Variants in PSIP1 observed in about 807,000 individuals in gnomAD.
The protein encoded by PSIP1 is PC4 and SRSF1 interacting protein 1.
Under a neutral mutation model 74.7 loss-of-function variants are expected in PSIP1, and 19 were observed. That is an observed-to-expected ratio of 0.25 (90% CI 0.18 to 0.37). The LOEUF is 0.37. Ranked by LOEUF, PSIP1 falls within the 10% of genes least tolerant of loss-of-function variation. The pLI is 1.00. For missense variants in PSIP1, 601 were observed against 614.3 expected (o/e 0.98, Z 0.23); for synonymous variants, 222 against 195.3 (o/e 1.14, Z -1.14).
At chr9:15,503,051 A>C (rs2132221908) in intron 3 of PSIP1, among the ~76,000 whole-genome samples, 1 of 152,332 alleles carries the variant, frequency 6.6e-6, no homozygotes, top group African/African-American at 2.4e-5. Flanking sequence ...CTACTAAACT[A>C]TTTATGCAAA....
chr9:15,498,191 G>A (rs1282416777), intron 3 of PSIP1, among the ~76,000 whole-genome samples: 2 of 152,146 alleles, frequency 1.3e-5, no homozygotes, highest in African/African-American at 2.4e-5. Flanking sequence ...CAAGGCGGGC[G>A]TGTCACCTGA....
chr9:15,502,688 AG>A (rs1438029480), intron 3 of PSIP1, among the ~76,000 whole-genome samples: 1 of 152,252 alleles, frequency 6.6e-6, no homozygotes, highest in Non-Finnish European at 1.5e-5. Flanking sequence ...CTGACTGACT[AG>A]ATGTAGAAAG....
rs2037454185 is a variant in PSIP1 at position 15,503,773 on chromosome 9, G to A, written c.149+2788C>T. ...TTTTTGTTTGTTTTTTAGAGACAGAGTCTCACTCTGTTGCCCAGGCTGGAG... is the reference window on the plus strand; with the variant it reads ...TTTTTGTTTGTTTTTTAGAGACAGAATCTCACTCTGTTGCCCAGGCTGGAG... On this transcript the variant is annotated intron_variant, in intron 3 of 15. Coordinates refer to ENST00000380733, the MANE Select transcript of PSIP1 (RefSeq NM_033222.5). 3.3e-5 allele frequency among the ~76,000 whole-genome samples: 5 copies of A among 152,020 alleles called. No individual in the cohort carries two copies. In the South Asian group the frequency reaches 8.3e-4, roughly 25 times the overall value.
intron 3 of PSIP1, among the ~76,000 whole-genome samples, chr9:15,495,632 G>A (rs1361461961): frequency 6.6e-6 from 1 of 152,046 alleles, no homozygotes; most frequent in South Asian, 2.1e-4. Context: ...TTATGATATG[G>A]AATGCGTCTA....
chr9:15,484,816 G>A (rs1460905199), intron 6 of PSIP1, among the ~76,000 whole-genome samples: 1 of 151,516 alleles, frequency 6.6e-6, no homozygotes. Flanking sequence ...GGGAGGCCGA[G>A]GCAAGAGAAT....
At chr9:15,479,517 G>C (rs995052415) in intron 7 of PSIP1, 74 bp downstream of exon 7, 35 of 1,159,224 alleles carry the variant, frequency 3.0e-5, no homozygotes, top group East Asian at 7.6e-5. Context: ...CAAAATATTT[G>C]AGGCAGCAAC....
At chr9:15,473,936 A>AC (rs1563870498) in intron 9 of PSIP1, 73 bp downstream of exon 9, 1 of 978,920 alleles carries the variant, frequency 1.0e-6, no homozygotes, top group East Asian at 3.0e-5. Context: ...ACAAAAAAAA[A>AC]ACAAAGAAAA....
intron 14 of PSIP1, among the ~76,000 whole-genome samples, chr9:15,468,119 C>CTGTTTTTT (rs2035707507): frequency 1.9e-5 from 1 of 52,472 alleles, no homozygotes; most frequent in Non-Finnish European, 4.2e-5. Flanking sequence ...GAAACTCCAT[C>CTGTTTTTT]TTTTAAAAAA....
At chr9:15,470,088 A>G (rs2035763273) in intron 10 of PSIP1, 95 bp from the exon 11 acceptor site, 5 of 949,834 alleles carry the variant, frequency 5.3e-6, no homozygotes, top group Non-Finnish European at 6.6e-6. Context: ...TTTCCTTAAA[A>G]TAAGTCAATA....
At chr9:15,502,897 A>G (rs2037412360) in intron 3 of PSIP1, among the ~76,000 whole-genome samples, 1 of 152,222 alleles carries the variant, frequency 6.6e-6, no homozygotes, top group Non-Finnish European at 1.5e-5. Flanking sequence ...GAATGTCCTA[A>G]GTAAAATCAG....
chr9:15,496,543 T>C (rs1489090349), intron 3 of PSIP1, among the ~76,000 whole-genome samples: 1 of 152,172 alleles, frequency 6.6e-6, no homozygotes, highest in Non-Finnish European at 1.5e-5. Context: ...ACCACCTCAT[T>C]TTACGTGTAC....
At position 15,486,945 on chromosome 9, in the gene PSIP1, A is replaced by C. The variant is rs1801997698; in HGVS notation, c.289-14T>G. On this transcript the variant is annotated splice_polypyrimidine_tract_variant and intron_variant, in intron 4 of 15. Transcript: ENST00000380733. ...TTTAGTTGCTGCCTGTGAGCAATCA[A>C]CTCTATTAATTTCAAAAAATAAGTT... The C allele has an allele frequency of 3.9e-6, 6 of 1,529,732 alleles. No individual in the cohort carries two copies. Among genetic ancestry groups the C allele is most frequent in the Non-Finnish European group, 5.4e-6 (6 of 1,116,246 alleles). 94.8% of individuals were successfully genotyped at this position (1,529,732 alleles called of 1,614,324 possible). A position where few individuals can be genotyped will look rare whatever the true frequency, so the allele number is the denominator to read the frequency against.
At chr9:15,483,494 C>A (rs2036426752) in intron 6 of PSIP1, among the ~76,000 whole-genome samples, 1 of 152,106 alleles carries the variant, frequency 6.6e-6, no homozygotes, top group African/African-American at 2.4e-5. Flanking sequence ...CTTAGAAAGG[C>A]CTTTTGTAGC....
In PSIP1 at chr9:15,474,345, A is replaced by G. The variant is rs773901499; in HGVS notation, c.630-108T>C. ...TAAAGGCAAATCTAAAACAAAGTAA[A>G]AAGAGTGTCTTCACTATCCAATCAT... On this transcript the variant is annotated intron_variant, in intron 8 of 15. Transcript: ENST00000380733. 1.1e-3 allele frequency: 998 copies of G among 932,686 alleles called. 1 individual carries two copies. The highest frequency in any genetic ancestry group is 1.1e-3 in the Non-Finnish European group (730 of 636,518). 57.8% of individuals were successfully genotyped at this position (932,686 alleles called of 1,614,324 possible).
At chr9:15,485,981 A>T (rs367709602) in intron 6 of PSIP1, 25 bp downstream of exon 6, 6 of 1,567,916 alleles carry the variant, frequency 3.8e-6, no homozygotes, top group African/African-American at 1.4e-5. Context: ...TCAGATCCCC[A>T]TGGTTGGTAA....
At chr9:15,508,302 A>G (rs1235123760) in intron 2 of PSIP1, among the ~76,000 whole-genome samples, 1 of 152,240 alleles carries the variant, frequency 6.6e-6, no homozygotes, top group East Asian at 1.9e-4. Context: ...AAGAAGACAG[A>G]AAAAGGAATG....
intron 3 of PSIP1, among the ~76,000 whole-genome samples, chr9:15,503,942 T>C (rs2037461303): frequency 6.6e-6 from 1 of 152,120 alleles, no homozygotes; most frequent in Middle Eastern, 3.2e-3. Flanking sequence ...AGATGGGGTT[T>C]CACTATATTG....
intron 6 of PSIP1, among the ~76,000 whole-genome samples, chr9:15,483,344 G>A (rs1327670152): frequency 6.6e-6 from 1 of 151,728 alleles, no homozygotes; most frequent in Non-Finnish European, 1.5e-5. Flanking sequence ...TTAGATTCTA[G>A]TTCCCTCCCC....
intron 4 of PSIP1, among the ~76,000 whole-genome samples, chr9:15,489,608 CAA>C (rs1278277874): frequency 4.0e-4 from 18 of 45,532 alleles, no homozygotes; most frequent in African/African-American, 8.9e-4. Flanking sequence ...AACTACACCT[CAA>C]AAAAAAAAAA....
Sources: gnomAD v4.1 joint callset for allele counts (sites outside exome capture counted in the v4.1 genomes callset) on GRCh38, gnomAD v4.1.1 for gene constraint, MANE v1.5 for transcripts, NCBI Gene and HGNC (gene_info 2026-07-23, HGNC 2026-07-21) for gene names.